RIMS2: variants seen among roughly 807,000 people sequenced by gnomAD.
RIMS2 encodes the protein regulating synaptic membrane exocytosis protein 2.
A neutral mutation model predicts 174.4 loss-of-function variants in RIMS2; 59 were observed. The ratio of observed to expected loss-of-function variants is 0.34; its 90% CI spans 0.27 to 0.42. The LOEUF is 0.42. Ranked by LOEUF, RIMS2 falls within the 10% of genes least tolerant of loss-of-function variation. The pLI, the probability that RIMS2 is intolerant of heterozygous loss-of-function variation, is 1.00. For missense variants in RIMS2, 1,620 were observed against 1,666.3 expected (o/e 0.97, Z 0.48); for synonymous variants, 606 against 572.5 (o/e 1.06, Z -0.84).
At chr8:103,666,292 C>G (rs1337364511) in intron 1 of RIMS2, among the ~76,000 whole-genome samples, 8 of 152,158 alleles carry the variant, frequency 5.3e-5, no homozygotes, top group Admixed American at 5.2e-4. Flanking sequence ...GTTTATACAT[C>G]TAGTTAGATT....
chr8:104,021,251 C>T (rs537204802), intron 19 of RIMS2, among the ~76,000 whole-genome samples: 10 of 152,114 alleles, frequency 6.6e-5, no homozygotes, highest in African/African-American at 2.2e-4. Flanking sequence ...ATTAATTATT[C>T]TTTAATGCAC....
chr8:103,877,407 T>G (rs577290043), intron 3 of RIMS2, among the ~76,000 whole-genome samples: 2 of 152,142 alleles, frequency 1.3e-5, no homozygotes, highest in South Asian at 4.1e-4. Flanking sequence ...TTTGTTTTTT[T>G]CTTGCTTATT....
intron 19 of RIMS2, among the ~76,000 whole-genome samples, chr8:104,036,091 T>C (rs1205669605): frequency 2.0e-5 from 3 of 152,020 alleles, no homozygotes; most frequent in Non-Finnish European, 2.9e-5. Context: ...ATCCTTCTTA[T>C]GATAAACAGC....
chr8:104,167,472 TC>T (rs2098804749), intron 19 of RIMS2, among the ~76,000 whole-genome samples: 1 of 152,202 alleles, frequency 6.6e-6, no homozygotes, highest in African/African-American at 2.4e-5. Context: ...TATTTGTATA[TC>T]CTTTTTTGAT....
intron 19 of RIMS2, among the ~76,000 whole-genome samples, chr8:104,159,167 G>T (rs1586138658): frequency 6.6e-6 from 1 of 152,080 alleles, no homozygotes; most frequent in East Asian, 1.9e-4. Context: ...TTTCCCCATT[G>T]CTTGTTTTTG....
chr8:103,519,689 C>G (rs1280947974), intron 1 of RIMS2, among the ~76,000 whole-genome samples: 1 of 147,764 alleles, frequency 6.8e-6, no homozygotes, highest in Non-Finnish European at 1.5e-5. Context: ...GGCTTGGGTT[C>G]TGATCTCTCA....
At chr8:103,581,585 C>G (rs2093622412) in intron 1 of RIMS2, among the ~76,000 whole-genome samples, 1 of 152,180 alleles carries the variant, frequency 6.6e-6, no homozygotes, top group Non-Finnish European at 1.5e-5. Flanking sequence ...TGCCTGCTTT[C>G]ACCACTTTTA....
intron 3 of RIMS2, among the ~76,000 whole-genome samples, chr8:103,771,353 A>T (rs2098251727): frequency 6.6e-6 from 1 of 152,204 alleles, no homozygotes; most frequent in Non-Finnish European, 1.5e-5. Context: ...GTTTAAAAAC[A>T]TTTAATTGAT....
chr8:103,604,739 G>C (rs935826519), intron 1 of RIMS2, among the ~76,000 whole-genome samples: 5 of 130,218 alleles, frequency 3.8e-5, no homozygotes, highest in Non-Finnish European at 6.5e-5. Flanking sequence ...GGATTCCTAG[G>C]TATTTTATTC....
At chr8:103,502,783 A>G (rs1820995498) in intron 1 of RIMS2, among the ~76,000 whole-genome samples, 1 of 151,980 alleles carries the variant, frequency 6.6e-6, no homozygotes. Flanking sequence ...TATTTTTTTG[A>G]CTTACCTATT....
chr8:104,174,570 C>T (rs2098861379), intron 19 of RIMS2, among the ~76,000 whole-genome samples: 2 of 152,162 alleles, frequency 1.3e-5, no homozygotes, highest in African/African-American at 4.8e-5. Flanking sequence ...TGAACATCAG[C>T]TGTGTTCTTG....
intron 3 of RIMS2, among the ~76,000 whole-genome samples, chr8:103,782,041 C>T (rs1013226733): frequency 8.6e-5 from 13 of 151,834 alleles, no homozygotes; most frequent in African/African-American, 1.7e-4. Context: ...AGCCACCACA[C>T]GTGGCCTTAT....
intron 1 of RIMS2, among the ~76,000 whole-genome samples, chr8:103,644,104 A>AATACTTAT (rs1308391182): frequency 6.6e-6 from 1 of 151,858 alleles, no homozygotes; most frequent in East Asian, 1.9e-4. Flanking sequence ...TTCTAGAGAT[A>AATACTTAT]ATACTTATGC....
At chr8:103,579,813 C>T (rs994600247) in intron 1 of RIMS2, among the ~76,000 whole-genome samples, 1 of 152,122 alleles carries the variant, frequency 6.6e-6, no homozygotes, top group Non-Finnish European at 1.5e-5. Context: ...GCAGGCTGTA[C>T]AGGAAGCATG....
intron 10 of RIMS2, among the ~76,000 whole-genome samples, chr8:103,927,652 G>A (rs1565358782): frequency 6.6e-6 from 1 of 151,380 alleles, no homozygotes; most frequent in African/African-American, 2.4e-5. Context: ...AGTTTTTAAT[G>A]TTTTTTGGCA....
At chr8:103,799,575 T>A (rs1198233008) in intron 3 of RIMS2, among the ~76,000 whole-genome samples, 2 of 152,196 alleles carry the variant, frequency 1.3e-5, no homozygotes, top group African/African-American at 4.8e-5. Flanking sequence ...CTACTTGTAG[T>A]GCTTAAGGAT....
chr8:104,237,185 A>G (rs1588050980), intron 19 of RIMS2, among the ~76,000 whole-genome samples: 1 of 152,324 alleles, frequency 6.6e-6, no homozygotes, highest in Non-Finnish European at 1.5e-5. Flanking sequence ...ACAGAGCTGT[A>G]TTCAAAATGG....
chr8:104,068,690 C>A (rs1170571203), intron 19 of RIMS2, 78 bp downstream of exon 23: 2 of 734,526 alleles, frequency 2.7e-6, no homozygotes, highest in Non-Finnish European at 2.3e-6. Context: ...CTACTAAATG[C>A]AGATTAGTCA....
chr8:103,632,229 T>C (rs2095943482), intron 1 of RIMS2, among the ~76,000 whole-genome samples: 3 of 152,186 alleles, frequency 2.0e-5, no homozygotes, highest in Admixed American at 2.0e-4. Flanking sequence ...GCTTCCAGCT[T>C]TTGCTCATTC....
Sources: allele counts gnomAD v4.1 joint callset (sites outside exome capture counted in the v4.1 genomes callset), GRCh38; gene constraint gnomAD v4.1.1; transcripts MANE v1.5; gene names NCBI Gene and HGNC (gene_info 2026-07-23, HGNC 2026-07-21).